The following KMT2D variants were observed in gnomAD, a reference collection of about 807,000 sequenced individuals.
KMT2D encodes the protein histone-lysine N-methyltransferase 2D.
A neutral mutation model predicts 512.7 loss-of-function variants in KMT2D; 55 were observed. The ratio of observed to expected loss-of-function variants is 0.11; its 90% confidence interval spans 0.09 to 0.13. The LOEUF is 0.13. Ranked by LOEUF, KMT2D falls within the 10% of genes least tolerant of loss-of-function variation. The pLI is 1.00. For synonymous variants in KMT2D, 2,995 were observed against 2,904.0 expected, an observed-to-expected ratio of 1.03 and a Z score of -1.01; for missense variants, 6,061 against 7,127.9, an observed-to-expected ratio of 0.85 and a Z score of 5.39.
chr12:49,027,259 C>T lies in KMT2D; in HGVS notation c.14707G>A (p.Val4903Met), dbSNP rs757465818. ...SYTYNVSNLD[V>M]RQLSAPPPEE... ...GGAGGTGGGGCCGAGAGCTGTCGCA[C>T]ATCCAGATTGGAGACATTGTAGGTA... The change falls in exon 49 of 55, where the codon GTG becomes ATG. Residue 4903 changes from valine (V) to methionine (M), a missense_variant. By Grantham distance (21) the Val-to-Met change is conservative (BLOSUM62 1). This residue lies in a region of KMT2D where 1,600 missense variants were observed against 1,754.9 expected (regional missense o/e 0.91). Coordinates refer to ENST00000301067, the MANE Select transcript of KMT2D (RefSeq NM_003482.4). The T allele has an allele frequency of 1.4e-5, 21 of 1,554,748 alleles. No homozygotes were observed. The highest frequency in any genetic ancestry group is 1.6e-5 in the Non-Finnish European group (19 of 1,153,676).
chr12:49,053,633 G>T lies in KMT2D; in HGVS notation c.682C>A (p.Arg228Ser). 6.3e-7 allele frequency: 1 copy of T among 1,593,512 alleles called. No individual in the cohort carries two copies. Among genetic ancestry groups the T allele is most frequent in the Admixed American group, 1.8e-5 (1 of 56,850 alleles). The change falls in exon 7 of 55, where the codon CGC becomes AGC. Residue 228 changes from arginine to serine, a missense_variant. Transcript: ENST00000301067. ...SEGAAYLEEA[R>S]CAVCEGPGEL... ...CCTGGCCCCTCACACACTGCACAGC[G>T]AGCCTCCTCTGCAGGGGGTAGAGAC...
At chr12:49,043,818 G>A (rs1177815500) in intron 23 of KMT2D, 36 bp from the exon 24 acceptor site, 1 of 1,613,526 alleles carries the variant, frequency 6.2e-7, no homozygotes, top group South Asian at 1.1e-5. Context: ...TTTTCTTCAT[G>A]CCCTGCAGGG....
Position 49,019,283 on chromosome 12 carries a change from A to T in KMT2D, c.*2497T>A. 1 of 528,082 alleles carries T rather than the reference A, an allele frequency of 1.9e-6. No homozygotes were observed. Among genetic ancestry groups the T allele is most frequent in the Non-Finnish European group, 2.5e-6 (1 of 399,360 alleles). The allele number at this position is 528,082 out of a possible 1,614,324, so 32.7% of individuals were successfully genotyped here. ...TTTTTAAAAAGGGGGAGGGTCCTGG[A>T]GGTGAGGGGAGAAGACTGTAAAGGG... On this transcript the variant is annotated 3_prime_UTR_variant, in exon 55 of 55. Coordinates refer to ENST00000301067, the MANE Select transcript of KMT2D (RefSeq NM_003482.4).
rs755145759 is a variant in KMT2D at position 49,052,116 on chromosome 12, G to T, written c.1567C>A (p.Pro523Thr). ...GCAGGAGATGGGGGTGACTCTTCCG[G>T]TGGAGACAAGGGCGACTCCTCCAGT... ...SPLEESPLSP[P>T]EESPPSPALE... The change falls in exon 11 of 55, where the codon CCG (proline) becomes ACG (threonine). Residue 523 changes from proline to threonine, a missense_variant. Transcript: ENST00000301067. 3.7e-6 allele frequency: 6 copies of T among 1,613,104 alleles called. No homozygotes were observed. The highest frequency in any genetic ancestry group is 5.1e-6 in the Non-Finnish European group (6 of 1,179,626).
Position 49,031,242 on chromosome 12 carries a change from T to A in KMT2D, c.13463A>T (p.Asn4488Ile), listed in dbSNP as rs779247029. The part of the protein sequence containing the change: ...RGSEGLRAEI[N>I]GHIDSKLAGL... ...AGCCAGCTTGCTGTCAATGTGCCCG[T>A]TGATCTCAGCTCGCAGCCCCTCGGA... The change falls in exon 40 of 55, where the codon AAC becomes ATC. Residue 4488 changes from asparagine (N) to isoleucine (I), a missense_variant. Coordinates refer to ENST00000301067, the MANE Select transcript of KMT2D (RefSeq NM_003482.4). 1.9e-6 allele frequency: 3 copies of A among 1,613,086 alleles called. No homozygotes were observed. The highest frequency in any genetic ancestry group is 2.5e-6 in the Non-Finnish European group (3 of 1,179,642).
chr12:49,035,031 G>A (rs2120463660), intron 35 of KMT2D, 96 bp from the exon 36 acceptor site: 1 of 1,468,066 alleles, frequency 6.8e-7, no homozygotes, highest in Non-Finnish European at 9.4e-7. Flanking sequence ...ACCACGCCAG[G>A]CAGAACAATG....
At chr12:49,047,148 G>A (rs145738549) in intron 15 of KMT2D, among the ~76,000 whole-genome samples, 1 of 152,204 alleles carries the variant, frequency 6.6e-6, no homozygotes, top group African/African-American at 2.4e-5. Context: ...ACCGTGCCCA[G>A]CCTAGGAGGT....
At chr12:49,058,767 T>G (rs1592167983) in intron 1 of KMT2D, among the ~76,000 whole-genome samples, 1 of 152,174 alleles carries the variant, frequency 6.6e-6, no homozygotes, top group Non-Finnish European at 1.5e-5. Context: ...CTTGCAGGAC[T>G]GGCCAGGGAC....
Position 49,031,843 on chromosome 12 carries a change from G to A in KMT2D, c.12862C>T (p.Arg4288Trp), listed in dbSNP as rs542331667. The change falls in exon 40 of 55, where the codon CGG becomes TGG. Residue 4288 changes from arginine (R) to tryptophan (W), a missense_variant. This residue lies in a region of KMT2D where 1,600 missense variants were observed against 1,754.9 expected (regional missense o/e 0.91). Transcript: ENST00000301067. ...GAGPRPQGPPRLPAPPGALST... is the reference protein window; with the variant it reads ...GAGPRPQGPPWLPAPPGALST... ...AAGGCTCCTGGTGGGGCAGGGAGCC[G>A]GGGTGGGCCCTGAGGTCGAGGCCCT... 4.2e-5 allele frequency: 65 copies of A among 1,551,408 alleles called. No individual in the cohort carries two copies. The highest frequency in any genetic ancestry group is 1.6e-4 in the African/African-American group (12 of 72,998).
chr12:49,034,299 T>C lies in KMT2D; in HGVS notation c.10508A>G (p.Asn3503Ser). ...CTCATACTGCCGCTGGTCAGCTTCATCTGGGAAAAGAAGCTGGGTGTCAGG... is the reference window on the plus strand; with the variant it reads ...CTCATACTGCCGCTGGTCAGCTTCACCTGGGAAAAGAAGCTGGGTGTCAGG... ...NPPTFAQGVINEADQRQYEEW... is the reference protein window; with the variant it reads ...NPPTFAQGVISEADQRQYEEW... Residue 3503 changes from asparagine (N) to serine (S), a missense_variant and splice_region_variant, in exon 39 of 55, where the codon AAT (asparagine) becomes AGT (serine). By Grantham distance (46) the Asn-to-Ser change is conservative. Transcript: ENST00000301067. The C allele has an allele frequency of 6.2e-7, 1 of 1,611,980 alleles. No homozygotes were observed. Among genetic ancestry groups the C allele is most frequent in the Non-Finnish European group, 8.5e-7 (1 of 1,178,232 alleles).
At position 49,033,403 on chromosome 12, in the gene KMT2D, C is replaced by T. The variant is rs1943054222; in HGVS notation, c.11302G>A (p.Ala3768Thr). 6.4e-7 allele frequency: 1 copy of T among 1,573,324 alleles called. No individual in the cohort carries two copies. The highest frequency in any genetic ancestry group is 8.6e-7 in the Non-Finnish European group (1 of 1,159,410). ...QQGPGVQTNQ[A>T]LGPKPQGLMP... is the part of the protein sequence containing the mutation. ...AGGCCCTGGGGCTTGGGACCCAGAG[C>T]TTGGTTTGTCTGTACTCCAGGACCC... The change falls in exon 40 of 55, where the codon GCT (alanine) becomes ACT (threonine). Residue 3768 changes from alanine to threonine, a missense_variant. Ala to Thr is a moderately conservative substitution (Grantham distance 58, BLOSUM62 0). This residue lies in a region of KMT2D where 1,600 missense variants were observed against 1,754.9 expected (regional missense o/e 0.91). Transcript: ENST00000301067.
intron 42 of KMT2D, 57 bp downstream of exon 42, chr12:49,030,544 C>T: frequency 6.6e-7 from 1 of 1,506,314 alleles, no homozygotes; most frequent in Non-Finnish European, 8.9e-7. Context: ...TTTCTATTCC[C>T]ACCCTCACCT....
chr12:49,032,411 T>C lies in KMT2D; in HGVS notation c.12294A>G (p.Pro4098=). 1 of 1,592,800 alleles carries C rather than the reference T, an allele frequency of 6.3e-7. No individual in the cohort carries two copies. The highest frequency in any genetic ancestry group is 1.7e-4 in the Middle Eastern group (1 of 6,016). Reference sequence around the variant, plus strand: ...GGCTAACTTGCTGCTGCTGTTGTCCTGGAAGCCTCAGAGGTGGCTGCAGCT... The same window carrying C: ...GGCTAACTTGCTGCTGCTGTTGTCCCGGAAGCCTCAGAGGTGGCTGCAGCT... ...SLQLQPPLRL[P]GQQQQQVSLL... Residue 4098 remains proline, a synonymous_variant, in exon 40 of 55, where the codon CCA becomes CCG. Coordinates refer to ENST00000301067, the MANE Select transcript of KMT2D (RefSeq NM_003482.4).
rs2120648932 is a variant in KMT2D, at chr12:49,050,327, T to A, written c.3261A>T (p.Glu1087Asp). 1 of 1,611,036 alleles carries A rather than the reference T, an allele frequency of 6.2e-7. No individual in the cohort carries two copies. The highest frequency in any genetic ancestry group is 8.5e-7 in the Non-Finnish European group (1 of 1,178,570). ...AAGGGAGAGGACTGGTGGCACTGGG[T>A]TCCAAGGCTGGGCATTCAGGTTCTG... The part of the protein sequence containing the change: ...KVSEPECPAL[E>D]PSATSPLPSP... Residue 1087 changes from glutamate (E) to aspartate (D), a missense_variant, in exon 12 of 55, where the codon GAA becomes GAT. This residue lies in a region of KMT2D where 447 missense variants were observed against 500.1 expected (regional missense o/e 0.89). Coordinates refer to ENST00000301067, the MANE Select transcript of KMT2D (RefSeq NM_003482.4).
rs1321842704 is a variant in KMT2D, at chr12:49,030,451, G to C, written c.13840-12C>G. ...TTACTCAGGTTATTCTGAGGGGTGGGGGGTGGGGTGTTGTGTGCAAGATGG... is the reference window on the plus strand; with the variant it reads ...TTACTCAGGTTATTCTGAGGGGTGGCGGGTGGGGTGTTGTGTGCAAGATGG... On this transcript the variant is annotated splice_polypyrimidine_tract_variant and intron_variant, in intron 42 of 54. Transcript: ENST00000301067. The C allele has an allele frequency of 3.6e-6, 2 of 551,562 alleles. No individual in the cohort carries two copies. Among genetic ancestry groups the C allele is most frequent in the African/African-American group, 4.6e-5 (2 of 43,668 alleles). 34.2% of individuals were successfully genotyped at this position (551,562 alleles called of 1,614,324 possible).
In KMT2D at chr12:49,029,012, G is replaced by A. The variant is rs11168828; in HGVS notation, c.14251+49C>T. 95,377 of 1,607,254 alleles carry A rather than the reference G, an allele frequency of 0.059. 3,240 individuals carry two copies. The highest frequency in any genetic ancestry group is 0.069 in the Non-Finnish European group (81,724 of 1,175,962). ...ACTTGGCCGCCTCTCCCCCAGCTTCGGACAACCCAGGTGAACTGGGCCTGG... is the reference window on the plus strand; with the variant it reads ...ACTTGGCCGCCTCTCCCCCAGCTTCAGACAACCCAGGTGAACTGGGCCTGG... On this transcript the variant is annotated intron_variant, in intron 45 of 54. Coordinates refer to ENST00000301067, the MANE Select transcript of KMT2D (RefSeq NM_003482.4).
chr12:49,053,361 C>T (rs1938200990), intron 7 of KMT2D, 40 bp from the exon 8 acceptor site: 2 of 1,602,026 alleles, frequency 1.2e-6, no homozygotes, highest in Admixed American at 1.7e-5. Flanking sequence ...CCTCTCTGCC[C>T]TCATTTCCTT....
At chr12:49,043,025 T>C in intron 26 of KMT2D, 51 bp downstream of exon 26, 2 of 1,570,964 alleles carry the variant, frequency 1.3e-6, no homozygotes, top group Non-Finnish European at 1.8e-6. Flanking sequence ...GACCTCCTCC[T>C]TCTCCCATAG....
In KMT2D at chr12:49,053,321, C is replaced by T; in HGVS notation, c.840G>A (p.Arg280=). ...ACATCTTAGAGTCATTCCCAGGTTT[C>T]CTGCAGGTGCACATGGAACATTACA... ...CPECKVCQAC[R]KPGNDSKMLV... Residue 280 remains arginine, a splice_region_variant and synonymous_variant, in exon 8 of 55, where the codon AGG becomes AGA. Transcript: ENST00000301067. The T allele has an allele frequency of 6.2e-7, 1 of 1,612,706 alleles. No homozygotes were observed. The highest frequency in any genetic ancestry group is 8.5e-7 in the Non-Finnish European group (1 of 1,178,870).
Sources: allele counts gnomAD v4.1 joint callset (sites outside exome capture counted in the v4.1 genomes callset), GRCh38; gene constraint gnomAD v4.1.1; regional missense constraint gnomAD v4.1.1; transcripts MANE v1.5; gene names NCBI Gene and HGNC (gene_info 2026-07-23, HGNC 2026-07-21).